LINGO1: variants seen among roughly 807,000 people sequenced by gnomAD.
The protein encoded by LINGO1 is leucine-rich repeat and immunoglobulin-like domain-containing nogo receptor-interacting protein 1.
LINGO1 carries 11 observed loss-of-function variants against 37.3 expected under a neutral mutation model. The ratio of observed to expected loss-of-function variants is 0.29; its 90% CI spans 0.19 to 0.49. LINGO1 has a LOEUF of 0.49. Ranked by LOEUF, LINGO1 falls within the 20% of genes least tolerant of loss-of-function variation. LINGO1 has a pLI of 0.99. For synonymous variants in LINGO1, 387 were observed against 403.0 expected (o/e 0.96, Z 0.48); for missense variants, 585 against 878.2 (o/e 0.67, Z 4.22).
chr15:77,766,670 G>C (rs550098230), intron 1 of LINGO1, among the ~76,000 whole-genome samples: 18 of 152,288 alleles, frequency 1.2e-4, no homozygotes, highest in African/African-American at 2.6e-4. Context: ...CACTCACTCT[G>C]TCCTGCTGCC....
chr15:77,731,266 A>G (rs1369868868), intron 2 of LINGO1, among the ~76,000 whole-genome samples: 1 of 152,156 alleles, frequency 6.6e-6, no homozygotes, highest in Non-Finnish European at 1.5e-5. Flanking sequence ...GAGGTGGCAG[A>G]GAGCCGCCCC....
chr15:77,761,118 T>C, intron 1 of LINGO1, among the ~76,000 whole-genome samples: 1 of 150,508 alleles, frequency 6.6e-6, no homozygotes, highest in East Asian at 2.0e-4. Flanking sequence ...GTATTTTTAG[T>C]AGAGATGGGG....
rs1197977190 is a variant in LINGO1 at position 77,669,272 on chromosome 15, T to A, written c.-13+7817A>T. The stretch of plus-strand genomic sequence containing the variant: ...TGTCCTGGCTTAGGGTCGCCTCTGC[T>A]CCAGGTCCTCAGACTCTGCCAGCCC... On this transcript the variant is annotated intron_variant, in intron 3 of 3. Coordinates refer to the LINGO1 transcript ENST00000559893. Among the ~76,000 whole-genome samples, 4 of 152,270 alleles carry A rather than the reference T, an allele frequency of 2.6e-5. No homozygotes were observed. In the East Asian group the frequency reaches 7.7e-4, roughly 29 times the overall value.
chr15:77,753,945 G>A (rs2076395136), intron 1 of LINGO1, among the ~76,000 whole-genome samples: 1 of 152,224 alleles, frequency 6.6e-6, no homozygotes, highest in African/African-American at 2.4e-5. Context: ...CCCACTTCCA[G>A]TGAGTGAGAA....
intron 1 of LINGO1, among the ~76,000 whole-genome samples, chr15:77,693,552 A>C (rs1351270313): frequency 6.6e-6 from 1 of 152,324 alleles, no homozygotes; most frequent in East Asian, 1.9e-4. Context: ...AATGCAATGA[A>C]AAGTAACTGG....
intron 1 of LINGO1, among the ~76,000 whole-genome samples, chr15:77,629,086 G>T (rs746635546): frequency 3.3e-5 from 5 of 152,194 alleles, no homozygotes; most frequent in Non-Finnish European, 7.3e-5. Context: ...AAGGAAACAG[G>T]CCCAGAGAGA....
chr15:77,695,281 G>T (rs1032534701), intron 1 of LINGO1, among the ~76,000 whole-genome samples: 2 of 152,160 alleles, frequency 1.3e-5, no homozygotes, highest in Non-Finnish European at 2.9e-5. Flanking sequence ...GTGAGCAGAT[G>T]GGGTGGGCAG....
chr15:77,783,445 G>GT (rs2076740795), intron 1 of LINGO1, among the ~76,000 whole-genome samples: 1 of 152,180 alleles, frequency 6.6e-6, no homozygotes, highest in African/African-American at 2.4e-5. Flanking sequence ...TACCTTGGTA[G>GT]GGCCTCAGCA....
Position 77,793,345 on chromosome 15 carries a change from G to A in LINGO1, c.-343+2594C>T, listed in dbSNP as rs561896764. ...TCCCCTCTAATCACTGGAGCACCGA[G>A]GGAGGGAGCAACAGAAGCAGGGGCA... On this transcript the variant is annotated intron_variant, in intron 2 of 5. Transcript: ENST00000562933. Among the ~76,000 whole-genome samples the A allele has an allele frequency of 9.2e-5, 14 of 152,346 alleles. No individual in the cohort carries two copies. In the East Asian group the frequency reaches 1.9e-3, roughly 21 times the overall value.
chr15:77,619,393 C>G (rs755500715), intron 1 of LINGO1, among the ~76,000 whole-genome samples: 5 of 152,182 alleles, frequency 3.3e-5, no homozygotes, highest in Non-Finnish European at 5.9e-5. Flanking sequence ...GGAAGCCGGG[C>G]ATGGTGGCGC....
upstream of LINGO1, among the ~76,000 whole-genome samples, chr15:77,635,998 C>A (rs2074389555): frequency 6.6e-6 from 1 of 152,248 alleles, no homozygotes; most frequent in Non-Finnish European, 1.5e-5. Flanking sequence ...ATGTATTCAG[C>A]CCTTACTATA....
intron 3 of LINGO1, among the ~76,000 whole-genome samples, chr15:77,675,732 G>A (rs2075316658): frequency 6.6e-6 from 1 of 151,922 alleles, no homozygotes; most frequent in Non-Finnish European, 1.5e-5. Flanking sequence ...ATAGATAATA[G>A]GTAACATATA....
At chr15:77,738,981 T>G in intron 1 of LINGO1, among the ~76,000 whole-genome samples, 1 of 152,192 alleles carries the variant, frequency 6.6e-6, no homozygotes, top group Non-Finnish European at 1.5e-5. Flanking sequence ...GAGACTGAGG[T>G]CCGGCCAGCT....
chr15:77,762,972 C>T (rs537522450), intron 1 of LINGO1, among the ~76,000 whole-genome samples: 1 of 152,338 alleles, frequency 6.6e-6, no homozygotes, highest in African/African-American at 2.4e-5. Flanking sequence ...GTAGTAGGTG[C>T]TTACCAGATG....
rs577550808 is a variant in LINGO1 at position 77,717,642 on chromosome 15, C to T, written c.-195+17350G>A. On this transcript the variant is annotated intron_variant, in intron 2 of 3. Coordinates refer to the LINGO1 transcript ENST00000561686. ...GGCAGACAGGCAGGGAGGGCTCAGC[C>T]CGCTTCTACCTTAGCTGGCACTAAG... 5.3e-5 allele frequency among the ~76,000 whole-genome samples: 8 copies of T among 150,914 alleles called. 2 individuals carry two copies. In the South Asian group the frequency reaches 1.7e-3, roughly 32 times the overall value.
At chr15:77,626,247 C>T (rs555937103) in intron 1 of LINGO1, among the ~76,000 whole-genome samples, 32 of 149,164 alleles carry the variant, frequency 2.1e-4, no homozygotes, top group African/African-American at 8.0e-4. Context: ...CACCCCATGG[C>T]GGGGCTGGGT....
At position 77,652,531 on chromosome 15, in the gene LINGO1, T is replaced by TGTGTGTGTGTGTGTGTGTG; in HGVS notation, c.-13+24557_-13+24558insCACACACACACACACACAC. Among the ~76,000 whole-genome samples, 14 of 141,422 alleles carry TGTGTGTGTGTGTGTGTGTG rather than the reference T, an allele frequency of 9.9e-5. No individual in the cohort carries two copies. The South Asian group carries it at 1.1e-3, about 11-fold the overall frequency. 92.8% of individuals were successfully genotyped at this position (141,422 alleles called of 152,430 possible). A position where few individuals can be genotyped will look rare whatever the true frequency, so the allele number is the denominator to read the frequency against. On this transcript the variant is annotated intron_variant, in intron 3 of 3. Transcript: ENST00000559893. The stretch of plus-strand genomic sequence containing the variant: ...GTGTGTGTGTGTGTGTGTGTGTGTG[T>TGTGTGTGTGTGTGTGTGTG]TGCCAGAATACGGAAATCACATTTC...
chr15:77,743,581 G>T (rs544308572), intron 1 of LINGO1, among the ~76,000 whole-genome samples: 1 of 152,304 alleles, frequency 6.6e-6, no homozygotes, highest in African/African-American at 2.4e-5. Flanking sequence ...AGTAGGGAAT[G>T]ATTTTGCATT....
chr15:77,765,430 C>A (rs1288574507), intron 1 of LINGO1, among the ~76,000 whole-genome samples: 1 of 149,092 alleles, frequency 6.7e-6, no homozygotes, highest in Non-Finnish European at 1.5e-5. Flanking sequence ...AAAAAAAAAA[C>A]CAGAACTGTG....
Sources: gnomAD v4.1 joint callset for allele counts (sites outside exome capture counted in the v4.1 genomes callset) on GRCh38, gnomAD v4.1.1 for gene constraint, MANE v1.5 for transcripts, NCBI Gene and HGNC (gene_info 2026-07-23, HGNC 2026-07-21) for gene names.